Variants in OXNAD1 observed in about 807,000 individuals in gnomAD.
The protein encoded by OXNAD1 is oxidoreductase NAD-binding domain-containing protein 1.
Under a neutral mutation model 32.9 loss-of-function variants are expected in OXNAD1, and 34 were observed. That is an observed-to-expected ratio of 1.03 (90% CI 0.79 to 1.38). The LOEUF (loss-of-function observed/expected upper bound fraction) is 1.38. OXNAD1 is among the 40% of genes most tolerant of loss of function. OXNAD1 has a pLI of 0.00. For missense variants in OXNAD1, 407 were observed against 379.4 expected (o/e 1.07, Z -0.60); for synonymous variants, 134 against 135.2 (o/e 0.99, Z 0.06).
intron 9 of OXNAD1, among the ~76,000 whole-genome samples, chr3:16,332,172 A>AT (rs1360525161): frequency 2.6e-5 from 4 of 151,534 alleles, no homozygotes; most frequent in African/African-American, 2.4e-5. Context: ...TGAAAAATGT[A>AT]TTTTTCCCCC....
intron 9 of OXNAD1, among the ~76,000 whole-genome samples, chr3:16,311,497 ACT>A (rs2067982947): frequency 6.6e-6 from 1 of 152,210 alleles, no homozygotes; most frequent in Non-Finnish European, 1.5e-5. Context: ...AATGTGTCAA[ACT>A]CTGAAAACTA....
Position 16,290,290 on chromosome 3 carries a change from T to A in OXNAD1, c.290+3842T>A, listed in dbSNP as rs541868077. Among the ~76,000 whole-genome samples the A allele has an allele frequency of 4.1e-4, 63 of 152,380 alleles. No homozygotes were observed. The highest frequency in any genetic ancestry group is 1.4e-3 in the African/African-American group (59 of 41,600). ...AAGGTGTGTGTTTAAGGTATAATTC[T>A]TTCTTGGACAGATGTTTTATGAAAT... On this transcript the variant is annotated intron_variant, in intron 5 of 8. Coordinates refer to ENST00000285083, the MANE Select transcript of OXNAD1 (RefSeq NM_138381.5). This position sits in a 1 kb window ranked among gnomAD's most constrained non-coding sequence, Gnocchi z 4.2.
At chr3:16,268,770 A>G (rs538306782) in intron 1 of OXNAD1, among the ~76,000 whole-genome samples, 10 of 152,362 alleles carry the variant, frequency 6.6e-5, no homozygotes, top group African/African-American at 2.4e-4. Context: ...TGAACAGAAC[A>G]GTATTTCCAT....
Position 16,322,048 on chromosome 3 carries a change from C to T in OXNAD1, c.*31-15064C>T, listed in dbSNP as rs2069121774. ...GGTGTCTGTCAGCATCTGACAGGGG[C>T]CCTTTGCGTGCTGTGTGTTGAATGT... On this transcript the variant is annotated intron_variant, in intron 9 of 9. Coordinates refer to the OXNAD1 transcript ENST00000435829. The surrounding 1 kb of genome is among the most constrained non-coding windows in gnomAD (Gnocchi z 6.2). Among the ~76,000 whole-genome samples the T allele has an allele frequency of 6.6e-6, 1 of 152,184 alleles. No homozygotes were observed. The highest frequency in any genetic ancestry group is 1.5e-5 in the Non-Finnish European group (1 of 68,032).
rs1460116042 is a variant in OXNAD1 at position 16,299,723 on chromosome 3, T to C, written c.433-1903T>C. Among the ~76,000 whole-genome samples, 1 of 152,218 alleles carries C rather than the reference T, an allele frequency of 6.6e-6. No individual in the cohort carries two copies. The highest frequency in any genetic ancestry group is 1.5e-5 in the Non-Finnish European group (1 of 68,046). On this transcript the variant is annotated intron_variant, in intron 6 of 8. Transcript: ENST00000285083. This position sits in a 1 kb window ranked among gnomAD's most constrained non-coding sequence, Gnocchi z 4.4. The stretch of plus-strand genomic sequence containing the variant: ...TTTGGTTCTCAAAAAGCACGCGATG[T>C]GTTATTACTTCTTAGGAGGGCATTC...
rs538197902 is a variant in OXNAD1 at position 16,304,168 on chromosome 3, G to A, written c.*606G>A. The A allele has an allele frequency of 1.3e-5, 2 of 152,328 alleles. No homozygotes were observed. Among genetic ancestry groups the A allele is most frequent in the East Asian group, 1.9e-4 (1 of 5,188 alleles). The allele number at this position is 152,328 out of a possible 1,614,324, so 9.4% of individuals were successfully genotyped here. A position where few individuals can be genotyped will look rare whatever the true frequency, so the allele number is the denominator to read the frequency against. On this transcript the variant is annotated 3_prime_UTR_variant, in exon 9 of 9. Transcript: ENST00000285083. The surrounding 1 kb of genome is among the most constrained non-coding windows in gnomAD (Gnocchi z 4.6). ...GCTTTCTTGTTAATGAATATCCTAA[G>A]TGTGTATCCTGACTAATTGTTAGTT...
Position 16,316,285 on chromosome 3 carries a change from G to A in OXNAD1, c.*30+12693G>A, listed in dbSNP as rs1411382292. ...ATTTTGAGAAAAGCTGGGAGGCGGA[G>A]CACCTCCCCTCCCCAATGTCATTTT... On this transcript the variant is annotated intron_variant, in intron 9 of 9. Transcript: ENST00000435829. This position sits in a 1 kb window ranked among gnomAD's most constrained non-coding sequence, Gnocchi z 4.5. 1 of 159,456 alleles carries A rather than the reference G, an allele frequency of 6.3e-6. No homozygotes were observed. The highest frequency in any genetic ancestry group is 1.9e-4 in the East Asian group (1 of 5,220). The allele number at this position is 159,456 out of a possible 1,614,324, so 9.9% of individuals were successfully genotyped here.
intron 9 of OXNAD1, among the ~76,000 whole-genome samples, chr3:16,315,177 G>A (rs187123028): frequency 6.6e-6 from 1 of 152,318 alleles, no homozygotes; most frequent in Admixed American, 6.5e-5. Context: ...GTGCAGTGGT[G>A]CAGTCTCGGC....
intron 5 of OXNAD1, among the ~76,000 whole-genome samples, chr3:16,292,573 C>G (rs2066505899): frequency 6.6e-6 from 1 of 151,846 alleles, no homozygotes; most frequent in South Asian, 2.1e-4. Flanking sequence ...TTTTTTCCAA[C>G]CCTTTTGGTT....
At chr3:16,286,147 C>G (rs112767467) in intron 4 of OXNAD1, among the ~76,000 whole-genome samples, 195 bp from the exon 5 acceptor site, 2,285 of 152,206 alleles carry the variant, frequency 0.015, 51 homozygotes, top group African/African-American at 0.052. Context: ...TAGCAAGTCT[C>G]TCAAAAAAAA....
At chr3:16,286,310 A>C (rs1165131707) in intron 4 of OXNAD1, 32 bp from the exon 5 acceptor site, 9 of 1,543,046 alleles carry the variant, frequency 5.8e-6, no homozygotes, top group Non-Finnish European at 8.1e-6. Flanking sequence ...TGTACGCACT[A>C]ACCTCAGCCA....
downstream of OXNAD1, among the ~76,000 whole-genome samples, chr3:16,307,724 T>G (rs543294673): frequency 5.1e-5 from 6 of 118,116 alleles, 1 homozygote; most frequent in South Asian, 1.4e-3. Context: ...ATTGGGTTGT[T>G]TTATTTTTTA....
rs56041081 is a variant in OXNAD1, at chr3:16,287,245, G to C, written c.290+797G>C. 1.6e-3 allele frequency among the ~76,000 whole-genome samples: 247 copies of C among 152,320 alleles called. 1 individual carries two copies. The highest frequency in any genetic ancestry group is 3.9e-3 in the African/African-American group (163 of 41,560). ...AATGGATTTCTGGCATGTCAGTCTT[G>C]ATAGTGTTTCTTAGGAGTCACTTGA... is the stretch of plus-strand genomic sequence containing the variant. On this transcript the variant is annotated intron_variant, in intron 5 of 8. Coordinates refer to ENST00000285083, the MANE Select transcript of OXNAD1 (RefSeq NM_138381.5). The surrounding 1 kb of genome is among the most constrained non-coding windows in gnomAD (Gnocchi z 4.8).
chr3:16,286,291 C>CT (rs770751673), intron 4 of OXNAD1, 51 bp from the exon 5 acceptor site: 1 of 1,406,392 alleles, frequency 7.1e-7, no homozygotes. Context: ...CCATTTGTCC[C>CT]TTGTGCTGTG....
At chr3:16,268,079 G>T (rs1420659112) in intron 1 of OXNAD1, among the ~76,000 whole-genome samples, 1 of 152,056 alleles carries the variant, frequency 6.6e-6, no homozygotes, top group African/African-American at 2.4e-5. Context: ...GAAATAACTT[G>T]ATATATATTG....
chr3:16,342,400 A>G lies in OXNAD1; in HGVS notation c.*31-6776A>G, dbSNP rs1354600078. ...CCTTTTTATTGCAAAATAATATTCC[A>G]TCATATGGATATACCATAGTTTATT... is the stretch of plus-strand genomic sequence containing the variant. On this transcript the variant is annotated intron_variant, in intron 9 of 9. Coordinates refer to the OXNAD1 transcript ENST00000606098. This position sits in a 1 kb window ranked among gnomAD's most constrained non-coding sequence, Gnocchi z 4.0. 6.6e-6 allele frequency among the ~76,000 whole-genome samples: 1 copy of G among 152,270 alleles called. No homozygotes were observed. The highest frequency in any genetic ancestry group is 2.4e-5 in the African/African-American group (1 of 41,470).
Position 16,312,229 on chromosome 3 carries a change from T to G in OXNAD1, c.*30+8637T>G, listed in dbSNP as rs560806122. 2.6e-5 allele frequency among the ~76,000 whole-genome samples: 4 copies of G among 152,158 alleles called. No individual in the cohort carries two copies. Among genetic ancestry groups the G allele is most frequent in the East Asian group, 1.9e-4 (1 of 5,196 alleles). On this transcript the variant is annotated intron_variant, in intron 9 of 9. Coordinates refer to the OXNAD1 transcript ENST00000435829. The surrounding 1 kb of genome is among the most constrained non-coding windows in gnomAD (Gnocchi z 4.7). ...GCTCATTGGGTCTTGTCCTTAGATC[T>G]CATGTCCACACACTTCCCTGTTCAA...
At chr3:16,310,773 T>G (rs1004629597), downstream of OXNAD1, among the ~76,000 whole-genome samples, 2 of 152,008 alleles carry the variant, frequency 1.3e-5, no homozygotes, top group Admixed American at 6.6e-5. Context: ...GCAAATCACC[T>G]GAGGTCGGGA....
rs1452841737 is a variant in OXNAD1, at chr3:16,271,710, C to T, written c.171C>T (p.Val57=). 4 of 1,607,682 alleles carry T rather than the reference C, an allele frequency of 2.5e-6. No homozygotes were observed. Among genetic ancestry groups the T allele is most frequent in the Admixed American group, 1.7e-5 (1 of 58,162 alleles). Residue 57 remains valine (V), a synonymous_variant, in exon 4 of 9, where the codon GTC becomes GTT. Transcript: ENST00000285083. The surrounding 1 kb of genome is among the most constrained non-coding windows in gnomAD (Gnocchi z 4.6). The part of the protein sequence containing the change: ...KTDHMERTAS[V]LRREIVSAAK... Reference sequence around the variant, plus strand: ...ATCACATGGAGAGAACTGCAAGTGTCCTTCGACGGGAGGTTTGTATCTTTG... The same window carrying T: ...ATCACATGGAGAGAACTGCAAGTGTTCTTCGACGGGAGGTTTGTATCTTTG...
Sources: gnomAD v4.1 joint callset for allele counts (sites outside exome capture counted in the v4.1 genomes callset) on GRCh38, gnomAD v4.1.1 for gene constraint, Gnocchi (gnomAD v3.1) non-coding constraint, MANE v1.5 for transcripts, NCBI Gene and HGNC (gene_info 2026-07-23, HGNC 2026-07-21) for gene names.